ADAM10: variants seen among roughly 807,000 people sequenced by gnomAD.
ADAM10 encodes the protein ADAM metallopeptidase domain 10, also known as disintegrin and metalloproteinase domain-containing protein 10.
ADAM10 carries 17 observed loss-of-function variants against 90.1 expected under a neutral mutation model. That is an observed-to-expected ratio of 0.19 (90% CI 0.13 to 0.28). The LOEUF is 0.28. ADAM10 is among the 10% of genes least tolerant of loss of function. The pLI is 1.00. For missense variants in ADAM10, 610 were observed against 914.3 expected (o/e 0.67, Z 4.29); for synonymous variants, 310 against 298.6 (o/e 1.04, Z -0.40).
chr15:58,639,716 G>A (rs1368925744), intron 8 of ADAM10, among the ~76,000 whole-genome samples: 1 of 151,960 alleles, frequency 6.6e-6, no homozygotes, highest in Non-Finnish European at 1.5e-5. Flanking sequence ...AACAAAAGAA[G>A]CTATGGAAAT....
intron 3 of ADAM10, among the ~76,000 whole-genome samples, chr15:58,680,861 C>A (rs532087813): frequency 1.3e-5 from 2 of 152,252 alleles, no homozygotes; most frequent in Admixed American, 6.5e-5. Flanking sequence ...CTCTGTCCCC[C>A]AGGCTATAGT....
chr15:58,742,670 G>A (rs1030269800), intron 1 of ADAM10, among the ~76,000 whole-genome samples: 3 of 152,164 alleles, frequency 2.0e-5, no homozygotes, highest in Non-Finnish European at 4.4e-5. Context: ...AATCCAAGTG[G>A]TAGGGTTATT....
At chr15:58,707,156 G>A (rs1371722690) in intron 2 of ADAM10, among the ~76,000 whole-genome samples, 1 of 151,398 alleles carries the variant, frequency 6.6e-6, no homozygotes, top group Non-Finnish European at 1.5e-5. Flanking sequence ...GCTAAGGCCA[G>A]TAGATCACCT....
chr15:58,705,538 A>G (rs1191690694), intron 2 of ADAM10, among the ~76,000 whole-genome samples: 5 of 152,200 alleles, frequency 3.3e-5, no homozygotes. Flanking sequence ...ACCACGTCGT[A>G]GTAATAGCTG....
intron 5 of ADAM10, among the ~76,000 whole-genome samples, chr15:58,653,585 T>C (rs1308409353): frequency 6.6e-6 from 1 of 152,190 alleles, no homozygotes; most frequent in African/African-American, 2.4e-5. Context: ...TGATGAATGA[T>C]CTTTTTAATG....
chr15:58,717,841 A>G (rs1355376932), intron 1 of ADAM10, 114 bp from the exon 2 acceptor site: 28 of 1,425,674 alleles, frequency 2.0e-5, no homozygotes, highest in Non-Finnish European at 2.5e-5. Context: ...CCCTAATCCC[A>G]GCACTATTAT....
chr15:58,683,159 G>A (rs1382411444), intron 2 of ADAM10, among the ~76,000 whole-genome samples: 1 of 151,954 alleles, frequency 6.6e-6, no homozygotes, highest in African/African-American at 2.4e-5. Context: ...ATGATAAAAT[G>A]GCAACAAATT....
chr15:58,633,832 T>G (rs556767130), intron 8 of ADAM10, among the ~76,000 whole-genome samples: 3 of 149,252 alleles, frequency 2.0e-5, no homozygotes, highest in Non-Finnish European at 4.4e-5. Context: ...CATGAGCACA[T>G]GATTCCCTGT....
At position 58,592,755 on chromosome 15, in the gene ADAM10, A is replaced by G. The variant is rs1458518584; in HGVS notation, c.*4792T>C. The G allele has an allele frequency of 1.1e-5, 1 of 91,046 alleles. No homozygotes were observed. Among genetic ancestry groups the G allele is most frequent in the African/African-American group, 5.8e-5 (1 of 17,160 alleles). The allele number at this position is 91,046 out of a possible 1,614,324, so 5.6% of individuals were successfully genotyped here. On this transcript the variant is annotated 3_prime_UTR_variant, in exon 16 of 16. Transcript: ENST00000260408. The stretch of plus-strand genomic sequence containing the variant: ...TCTAAGGATGGGACTCTGATTTAAT[A>G]TATATATATATATATATTAAATCGT...
intron 11 of ADAM10, among the ~76,000 whole-genome samples, chr15:58,619,138 T>C (rs976135404): frequency 6.6e-6 from 1 of 152,136 alleles, no homozygotes; most frequent in South Asian, 2.1e-4. Context: ...AAAGGTGGTA[T>C]ATATTTGGTC....
At chr15:58,654,930 A>C (rs1157202601) in intron 5 of ADAM10, among the ~76,000 whole-genome samples, 1 of 152,214 alleles carries the variant, frequency 6.6e-6, no homozygotes, top group African/African-American at 2.4e-5. Flanking sequence ...ATTCTTGAGA[A>C]TGATCCAGGT....
chr15:58,686,030 A>T (rs973394156), intron 2 of ADAM10, among the ~76,000 whole-genome samples: 3 of 152,158 alleles, frequency 2.0e-5, no homozygotes, highest in Admixed American at 2.0e-4. Context: ...ACAATAGACA[A>T]CAAGCAGTGA....
intron 14 of ADAM10, among the ~76,000 whole-genome samples, chr15:58,601,849 G>C (rs1468188993): frequency 6.6e-6 from 1 of 152,148 alleles, no homozygotes; most frequent in Non-Finnish European, 1.5e-5. Flanking sequence ...TTCAATTTGG[G>C]TTCCTCTGGT....
chr15:58,629,797 G>C (rs2140669522), intron 9 of ADAM10, among the ~76,000 whole-genome samples: 1 of 150,852 alleles, frequency 6.6e-6, no homozygotes, highest in East Asian at 2.0e-4. Context: ...TTTTGAGACA[G>C]AGTCTCACTC....
intron 1 of ADAM10, among the ~76,000 whole-genome samples, chr15:58,719,874 A>C (rs763487957): frequency 8.5e-5 from 13 of 152,210 alleles, no homozygotes; most frequent in Non-Finnish European, 1.9e-4. Flanking sequence ...TAAATGATTT[A>C]AACCATGTGT....
At chr15:58,740,593 CAG>C (rs1424442124) in intron 1 of ADAM10, among the ~76,000 whole-genome samples, 2 of 151,980 alleles carry the variant, frequency 1.3e-5, no homozygotes, top group African/African-American at 4.8e-5. Context: ...GGCATAGAAA[CAG>C]GGTCTTGCTA....
At chr15:58,617,197 A>T (rs1895640779) in intron 11 of ADAM10, among the ~76,000 whole-genome samples, 1 of 152,126 alleles carries the variant, frequency 6.6e-6, no homozygotes, top group Non-Finnish European at 1.5e-5. Flanking sequence ...TCAATCCATT[A>T]ACTAGACAAG....
chr15:58,682,388 T>A, intron 2 of ADAM10, 74 bp from the exon 3 acceptor site: 1 of 1,545,456 alleles, frequency 6.5e-7, no homozygotes, highest in Non-Finnish European at 8.7e-7. Flanking sequence ...TTTTTTATTT[T>A]AAAAAGTCTA....
chr15:58,679,362 G>A (rs1897367532), intron 3 of ADAM10, 80 bp from the exon 4 acceptor site: 18 of 1,201,996 alleles, frequency 1.5e-5, no homozygotes, highest in Non-Finnish European at 2.1e-5. Context: ...GTATATATGT[G>A]TGTATATATA....
Sources: allele counts gnomAD v4.1 joint callset (sites outside exome capture counted in the v4.1 genomes callset), GRCh38; gene constraint gnomAD v4.1.1; transcripts MANE v1.5; gene names NCBI Gene and HGNC (gene_info 2026-07-23, HGNC 2026-07-21).